Variants in TLCD4 observed in about 807,000 individuals in gnomAD.
TLCD4 encodes the protein TLC domain containing 4.
In TLCD4, 7 loss-of-function variants were observed where a neutral mutation model predicts 24.2. That is an observed-to-expected ratio of 0.29 (90% CI 0.16 to 0.54). The LOEUF (loss-of-function observed/expected upper bound fraction) is 0.54. TLCD4 is among the 20% of genes least tolerant of loss of function. TLCD4 has a pLI of 0.95. For synonymous variants in TLCD4, 103 were observed against 106.4 expected, an observed-to-expected ratio of 0.97 and a Z score of 0.20; for missense variants, 259 against 313.9, an observed-to-expected ratio of 0.82 and a Z score of 1.32.
intron 1 of TLCD4, among the ~76,000 whole-genome samples, chr1:95,142,558 G>A (rs1377710005): frequency 1.3e-5 from 2 of 152,136 alleles, no homozygotes; most frequent in Non-Finnish European, 2.9e-5. Flanking sequence ...TCCTACCATA[G>A]GGGCTCAAGA....
At chr1:95,141,298 A>T (rs1169312423) in intron 1 of TLCD4, among the ~76,000 whole-genome samples, 1 of 152,222 alleles carries the variant, frequency 6.6e-6, no homozygotes. Flanking sequence ...TAAATGAACA[A>T]TTCATAAAAT....
chr1:95,104,663 C>CAAAAAAAAAAAAAAAAAAAAAAAA, the TLCD4 span, among the ~76,000 whole-genome samples: 288 of 40,504 alleles, frequency 7.1e-3, 33 homozygotes, highest in Non-Finnish European at 7.8e-3. Context: ...GACTCCGTCT[C>CAAAAAAAAAAAAAAAAAAAAAAAA]AAAAAAAAAA....
the TLCD4 span, among the ~76,000 whole-genome samples, chr1:95,111,851 C>T: frequency 2.0e-5 from 3 of 152,204 alleles, no homozygotes; most frequent in Non-Finnish European, 2.9e-5. Flanking sequence ...TGCAATCCCT[C>T]TATGAGGTTA....
the TLCD4 span, among the ~76,000 whole-genome samples, chr1:95,096,577 G>A: frequency 1.1e-3 from 163 of 152,242 alleles, no homozygotes; most frequent in South Asian, 0.016. Flanking sequence ...GGGATCATCC[G>A]TTTTGTTTTT....
intron 5 of TLCD4, among the ~76,000 whole-genome samples, chr1:95,158,205 T>TC (rs35587065): frequency 8.4e-6 from 1 of 118,948 alleles, no homozygotes; most frequent in East Asian, 2.2e-4. Flanking sequence ...TTTTTTTTTT[T>TC]GAGACAGAGT....
chr1:95,142,551 T>C (rs1430889793), intron 1 of TLCD4, among the ~76,000 whole-genome samples: 3 of 152,112 alleles, frequency 2.0e-5, no homozygotes, highest in Admixed American at 6.6e-5. Flanking sequence ...GAGTTGGTCC[T>C]ACCATAGGGG....
chr1:95,148,804 T>TG lies in TLCD4; in HGVS notation c.245+13_245+14insG. 1 of 1,606,990 alleles carries TG rather than the reference T, an allele frequency of 6.2e-7. No homozygotes were observed. Among genetic ancestry groups the TG allele is most frequent in the Non-Finnish European group, 8.5e-7 (1 of 1,178,148 alleles). ...CTGATCCACTTTGGTAAGCTGTTTC[T>TG]TTTTCTAAGATTGCCAATTTCATTT... On this transcript the variant is annotated intron_variant, in intron 3 of 6. Transcript: ENST00000370203.
At chr1:95,136,070 T>G (rs1219540848) in intron 1 of TLCD4, among the ~76,000 whole-genome samples, 2 of 151,996 alleles carry the variant, frequency 1.3e-5, no homozygotes, top group Non-Finnish European at 2.9e-5. Flanking sequence ...TTAAGAAATC[T>G]TGTTCCCAAG....
intron 1 of TLCD4, among the ~76,000 whole-genome samples, chr1:95,124,729 G>T (rs1676662696): frequency 6.6e-6 from 1 of 152,088 alleles, no homozygotes; most frequent in Admixed American, 6.5e-5. Context: ...AATTTCAGTG[G>T]AATTGCTATG....
intron 6 of TLCD4, among the ~76,000 whole-genome samples, chr1:95,182,122 A>G (rs1487888671): frequency 6.6e-6 from 1 of 152,180 alleles, no homozygotes; most frequent in African/African-American, 2.4e-5. Flanking sequence ...AAATTTTCCA[A>G]TATTCTGATT....
the TLCD4 span, among the ~76,000 whole-genome samples, chr1:95,100,140 A>C: frequency 6.6e-6 from 1 of 152,194 alleles, no homozygotes; most frequent in Non-Finnish European, 1.5e-5. Context: ...ATACATATAG[A>C]ATAAAGAAAT....
chr1:95,191,343 T>C (rs921433809), intron 6 of TLCD4, among the ~76,000 whole-genome samples: 1 of 152,206 alleles, frequency 6.6e-6, no homozygotes, highest in Non-Finnish European at 1.5e-5. Flanking sequence ...ACTAACACCA[T>C]GCTGACTTGA....
upstream of TLCD4, among the ~76,000 whole-genome samples, chr1:95,116,798 C>T (rs1195159093): frequency 6.6e-6 from 1 of 152,164 alleles, no homozygotes; most frequent in African/African-American, 2.4e-5. Flanking sequence ...TGCTGGTGCA[C>T]CCATGAGGGT....
chr1:95,120,600 C>T (rs1307665421), intron 1 of TLCD4, among the ~76,000 whole-genome samples: 1 of 152,188 alleles, frequency 6.6e-6, no homozygotes, highest in Non-Finnish European at 1.5e-5. Flanking sequence ...ACGAAGAAGA[C>T]ACGTGGAAGG....
At chr1:95,120,085 C>G (rs945002454) in intron 1 of TLCD4, 1 of 152,208 alleles carries the variant, frequency 6.6e-6, no homozygotes, top group Admixed American at 6.5e-5. Context: ...TACCACCAAA[C>G]TAGTGCAGTC....
chr1:95,132,515 G>A (rs966477274), intron 1 of TLCD4, among the ~76,000 whole-genome samples: 11 of 149,312 alleles, frequency 7.4e-5, no homozygotes, highest in Admixed American at 2.7e-4. Flanking sequence ...CCACAAAACC[G>A]ACTCGGATAT....
At chr1:95,132,456 C>CAAAA (rs34887671) in intron 1 of TLCD4, among the ~76,000 whole-genome samples, 4 of 72,456 alleles carry the variant, frequency 5.5e-5, no homozygotes, top group Non-Finnish European at 5.5e-5. Context: ...GACTCCAACT[C>CAAAA]AAAAAAAAAA....
chr1:95,191,481 A>G, intron 6 of TLCD4, 69 bp from the exon 7 acceptor site: 2 of 1,520,710 alleles, frequency 1.3e-6, no homozygotes, highest in Non-Finnish European at 1.8e-6. Context: ...AAATTTAAAA[A>G]CTAAAATAAA....
At chr1:95,107,680 A>C in the TLCD4 span, among the ~76,000 whole-genome samples, 1 of 152,132 alleles carries the variant, frequency 6.6e-6, no homozygotes, top group East Asian at 1.9e-4. Flanking sequence ...AAAATCGTAC[A>C]TAGGAACAGG....
Sources: allele counts gnomAD v4.1 joint callset (sites outside exome capture counted in the v4.1 genomes callset), GRCh38; gene constraint gnomAD v4.1.1; transcripts MANE v1.5; gene names NCBI Gene and HGNC (gene_info 2026-07-23, HGNC 2026-07-21).